SHROOM4: variants seen among roughly 807,000 people sequenced by gnomAD.
SHROOM4 encodes protein Shroom4.
A neutral mutation model predicts 80.3 loss-of-function variants in SHROOM4; 17 were observed. That is an observed-to-expected ratio of 0.21 (90% CI 0.14 to 0.32). SHROOM4 has a LOEUF of 0.32. Among genes scored for constraint, SHROOM4 ranks in the 10% least tolerant of loss-of-function variants. SHROOM4 has a pLI of 1.00. For synonymous variants in SHROOM4, 400 were observed against 437.5 expected (o/e 0.91, Z 1.07); for missense variants, 993 against 1,140.3 (o/e 0.87, Z 1.86).
chrX:50,650,390 T>G (rs782519212), intron 2 of SHROOM4, among the ~76,000 whole-genome samples: 8 of 112,388 alleles, frequency 7.1e-5, no homozygotes, highest in South Asian at 3.7e-4. Context: ...CTTGCTCTGT[T>G]GCCAGACTGG....
At chrX:50,602,238 C>A (rs1385755514) in intron 7 of SHROOM4, among the ~76,000 whole-genome samples, 4 of 109,856 alleles carry the variant, frequency 3.6e-5, no homozygotes, top group African/African-American at 1.3e-4. Context: ...ATTACAGGTG[C>A]CCACCACCAC....
chrX:50,597,836 TTTATTA>T (rs367700123), intron 8 of SHROOM4, among the ~76,000 whole-genome samples: 6 of 110,812 alleles, frequency 5.4e-5, no homozygotes, highest in African/African-American at 2.0e-4. Flanking sequence ...ATTTTTTTAT[TTTATTA>T]TTATTATTTT....
chrX:50,628,300 A>G (rs1557253498), intron 4 of SHROOM4, among the ~76,000 whole-genome samples: 2 of 110,800 alleles, frequency 1.8e-5, no homozygotes, highest in Admixed American at 9.6e-5. Flanking sequence ...TCCCTACATT[A>G]CAGGAGCAGA....
chrX:50,640,250 T>A (rs921174581), intron 2 of SHROOM4, among the ~76,000 whole-genome samples: 30 of 111,806 alleles, frequency 2.7e-4, no homozygotes, highest in African/African-American at 9.1e-4. Context: ...CAAGCCTTTT[T>A]CCATATTTAG....
intron 1 of SHROOM4, among the ~76,000 whole-genome samples, chrX:50,797,184 A>G (rs962341372): frequency 1.8e-5 from 2 of 111,112 alleles, no homozygotes; most frequent in Admixed American, 9.6e-5. Context: ...AGAAACAGCA[A>G]GAGAAGATGC....
chrX:50,598,027 T>C (rs1557246958), intron 8 of SHROOM4, among the ~76,000 whole-genome samples: 1 of 110,603 alleles, frequency 9.0e-6, no homozygotes, highest in Non-Finnish European at 1.9e-5. Flanking sequence ...TTAGTAGAGA[T>C]GGGGATTCAC....
intron 2 of SHROOM4, among the ~76,000 whole-genome samples, chrX:50,681,716 A>C (rs1171663839): frequency 1.8e-5 from 2 of 112,239 alleles, no homozygotes; most frequent in African/African-American, 6.5e-5. Context: ...ATTATTGTCT[A>C]CTTCTCCCAT....
chrX:50,812,705 T>C (rs1482287280), intron 1 of SHROOM4, among the ~76,000 whole-genome samples: 2 of 109,898 alleles, frequency 1.8e-5, no homozygotes, highest in African/African-American at 6.6e-5. Context: ...GCGGTGGACG[T>C]TTGCTGAACC....
intron 1 of SHROOM4, among the ~76,000 whole-genome samples, chrX:50,806,351 A>G (rs1006563445): frequency 8.9e-6 from 1 of 112,264 alleles, no homozygotes; most frequent in Non-Finnish European, 1.9e-5. Context: ...GACTTTTGCA[A>G]CTTCAGTGCG....
At chrX:50,707,962 G>T (rs901638276) in intron 1 of SHROOM4, among the ~76,000 whole-genome samples, 5 of 111,455 alleles carry the variant, frequency 4.5e-5, no homozygotes, top group African/African-American at 1.6e-4. Flanking sequence ...CCAACTTAAG[G>T]CAGCAGCCCT....
At chrX:50,649,766 C>G (rs1931970346) in intron 2 of SHROOM4, 1 of 112,503 alleles carries the variant, frequency 8.9e-6, no homozygotes. Context: ...AATGGTTTCA[C>G]AACCTTGTGA....
At chrX:50,618,399 C>T (rs1355695424) in intron 5 of SHROOM4, among the ~76,000 whole-genome samples, 1 of 77,781 alleles carries the variant, frequency 1.3e-5, no homozygotes, top group African/African-American at 5.1e-5. Flanking sequence ...TTCCTTCCTT[C>T]CTTCCTTCCT....
chrX:50,651,915 T>C (rs1400180351), intron 2 of SHROOM4, among the ~76,000 whole-genome samples: 15 of 111,716 alleles, frequency 1.3e-4, no homozygotes, highest in African/African-American at 3.3e-4. Flanking sequence ...CATGAACTCA[T>C]CCATTTTTAT....
intron 1 of SHROOM4, among the ~76,000 whole-genome samples, chrX:50,711,930 C>A (rs1229557788): frequency 8.9e-6 from 1 of 112,381 alleles, no homozygotes; most frequent in Non-Finnish European, 1.9e-5. Flanking sequence ...CCTGGTTCTG[C>A]CATTTAGTGA....
At chrX:50,659,064 T>G (rs782688002) in intron 2 of SHROOM4, among the ~76,000 whole-genome samples, 3 of 111,403 alleles carry the variant, frequency 2.7e-5, no homozygotes, top group East Asian at 5.7e-4. Context: ...AGAAATTCAC[T>G]CAGATGAAAG....
chrX:50,743,424 T>C (rs1248664432), intron 1 of SHROOM4, among the ~76,000 whole-genome samples: 2 of 111,002 alleles, frequency 1.8e-5, no homozygotes, highest in East Asian at 5.6e-4. Flanking sequence ...TATTGTCTGT[T>C]GTCACTTTCT....
At chrX:50,602,573 T>C in intron 7 of SHROOM4, 60 bp downstream of exon 7, 1 of 1,116,240 alleles carries the variant, frequency 9.0e-7, no homozygotes, top group Non-Finnish European at 1.2e-6. Flanking sequence ...AGGCTGGTCA[T>C]CCTCCAGATA....
At chrX:50,717,298 A>T (rs1199869215) in intron 1 of SHROOM4, among the ~76,000 whole-genome samples, 1 of 111,758 alleles carries the variant, frequency 8.9e-6, no homozygotes, top group Non-Finnish European at 1.9e-5. Context: ...GCTCACTGCA[A>T]GCTCCGCCTC....
downstream of SHROOM4, among the ~76,000 whole-genome samples, chrX:50,583,946 T>G (rs1928710961): frequency 1.8e-5 from 2 of 112,282 alleles, no homozygotes; most frequent in Admixed American, 1.9e-4. Context: ...TTTAAGCTAC[T>G]GAGTTTGTGG....
Sources: allele counts gnomAD v4.1 joint callset (sites outside exome capture counted in the v4.1 genomes callset), GRCh38; gene constraint gnomAD v4.1.1; transcripts MANE v1.5; gene names NCBI Gene and HGNC (gene_info 2026-07-23, HGNC 2026-07-21).